Variants in ZCWPW2 observed in about 807,000 individuals in gnomAD.
ZCWPW2 encodes the protein zinc finger CW-type and PWWP domain containing 2, also known as zinc finger CW-type PWWP domain protein 2.
ZCWPW2 carries 45 observed loss-of-function variants against 46.6 expected under a neutral mutation model. The observed-to-expected ratio is 0.96, with a 90% CI of 0.76 to 1.24. The LOEUF is 1.24. Among genes scored for constraint, ZCWPW2 ranks in the 50% most tolerant of loss-of-function variants. The probability of loss-of-function intolerance (pLI) is 0.00; values close to 1 mark genes in which losing one functional copy is unlikely to be tolerated. For missense variants in ZCWPW2, 429 were observed against 403.9 expected (o/e 1.06, Z -0.53); for synonymous variants, 152 against 137.1 (o/e 1.11, Z -0.76).
intron 6 of ZCWPW2, among the ~76,000 whole-genome samples, chr3:28,510,485 A>C (rs1336905285): frequency 3.9e-5 from 6 of 152,000 alleles, no homozygotes; most frequent in African/African-American, 1.5e-4. Flanking sequence ...GTCAGTGTTT[A>C]TTTAGATTTA....
At chr3:28,375,553 GT>G (rs1705475648) in intron 1 of ZCWPW2, among the ~76,000 whole-genome samples, 1 of 151,998 alleles carries the variant, frequency 6.6e-6, no homozygotes, top group Non-Finnish European at 1.5e-5. Context: ...TAACTGAGAT[GT>G]TCTGATACAG....
intron 4 of ZCWPW2, among the ~76,000 whole-genome samples, chr3:28,437,745 T>A (rs1360117877): frequency 6.6e-6 from 1 of 152,190 alleles, no homozygotes; most frequent in African/African-American, 2.4e-5. Flanking sequence ...GTTTATATAT[T>A]TTAGTTTTTA....
chr3:28,420,226 G>A (rs1034962188), intron 3 of ZCWPW2, among the ~76,000 whole-genome samples: 9 of 151,860 alleles, frequency 5.9e-5, no homozygotes, highest in African/African-American at 1.7e-4. Flanking sequence ...TTTAATTGTG[G>A]CGTTAGGGTG....
At chr3:28,462,546 C>T (rs1033459064) in intron 4 of ZCWPW2, among the ~76,000 whole-genome samples, 1 of 152,144 alleles carries the variant, frequency 6.6e-6, no homozygotes, top group Admixed American at 6.6e-5. Flanking sequence ...TTCTTATTAT[C>T]CTGGTTGGAT....
intron 2 of ZCWPW2, among the ~76,000 whole-genome samples, chr3:28,399,184 C>A (rs1259491080): frequency 2.0e-5 from 3 of 152,114 alleles, no homozygotes; most frequent in African/African-American, 7.2e-5. Context: ...TCACTGACAA[C>A]CTGCATGACA....
chr3:28,383,481 A>T (rs1383631464), intron 1 of ZCWPW2, among the ~76,000 whole-genome samples: 1 of 152,056 alleles, frequency 6.6e-6, no homozygotes, highest in Non-Finnish European at 1.5e-5. Context: ...AGTTTTAGCT[A>T]TGGATTCAAT....
intron 3 of ZCWPW2, among the ~76,000 whole-genome samples, chr3:28,422,783 GTT>G (rs947565743): frequency 4.0e-5 from 6 of 150,110 alleles, no homozygotes; most frequent in African/African-American, 7.4e-5. Context: ...GTGTGTGTGT[GTT>G]TTTTTTTAAG....
chr3:28,423,585 C>T (rs929294595), intron 3 of ZCWPW2, among the ~76,000 whole-genome samples: 2 of 151,858 alleles, frequency 1.3e-5, no homozygotes, highest in African/African-American at 4.8e-5. Flanking sequence ...CCAGGATGGT[C>T]TCGATCTCCT....
At chr3:28,512,339 G>C (rs1483446801) in intron 6 of ZCWPW2, among the ~76,000 whole-genome samples, 1 of 151,876 alleles carries the variant, frequency 6.6e-6, no homozygotes, top group Non-Finnish European at 1.5e-5. Flanking sequence ...CACCATGCCT[G>C]GCTGATTTTT....
At chr3:28,417,143 C>T (rs74417512) in intron 3 of ZCWPW2, among the ~76,000 whole-genome samples, 3,077 of 150,640 alleles carry the variant, frequency 0.02, 106 homozygotes, top group African/African-American at 0.062. Context: ...GGGGATATCA[C>T]TGCTAGCAAG....
At position 28,353,060 on chromosome 3, in the gene ZCWPW2, G is replaced by C. The variant is rs1278044096; in HGVS notation, c.-134+3857G>C. Among the ~76,000 whole-genome samples the C allele has an allele frequency of 1.3e-5, 2 of 151,946 alleles. 1 individual carries two copies. The highest frequency in any genetic ancestry group is 3.9e-4 in the East Asian group (2 of 5,156). ...TATCCAGACATGGTGGCTCACTCCT[G>C]TAGTCCCAGCCACCTGGGGAGGCTC... On this transcript the variant is annotated intron_variant, in intron 1 of 9. Transcript: ENST00000383768.
intron 1 of ZCWPW2, among the ~76,000 whole-genome samples, chr3:28,373,210 A>G (rs1705395047): frequency 6.6e-6 from 1 of 152,126 alleles, no homozygotes; most frequent in African/African-American, 2.4e-5. Context: ...GGTAGTCTTT[A>G]GTTTTTTGGA....
chr3:28,505,487 C>T (rs1361789291), intron 6 of ZCWPW2, among the ~76,000 whole-genome samples: 1 of 152,044 alleles, frequency 6.6e-6, no homozygotes, highest in Non-Finnish European at 1.5e-5. Flanking sequence ...TTTAATCCTC[C>T]CCTCTTTTTC....
chr3:28,446,872 A>G (rs1171100133), intron 4 of ZCWPW2, among the ~76,000 whole-genome samples: 1 of 152,162 alleles, frequency 6.6e-6, no homozygotes, highest in Non-Finnish European at 1.5e-5. Flanking sequence ...TGACTATAAG[A>G]GCATACTGTG....
At chr3:28,436,260 G>T (rs1697486001) in intron 4 of ZCWPW2, among the ~76,000 whole-genome samples, 1 of 150,372 alleles carries the variant, frequency 6.7e-6, no homozygotes, top group Non-Finnish European at 1.5e-5. Context: ...ATTAAAACTT[G>T]ATAAAAAGTG....
chr3:28,403,510 A>G (rs879622467), intron 2 of ZCWPW2, among the ~76,000 whole-genome samples: 5 of 152,140 alleles, frequency 3.3e-5, no homozygotes, highest in Non-Finnish European at 5.9e-5. Flanking sequence ...CCATCAAAAT[A>G]CCATCATCAT....
chr3:28,384,483 G>A (rs1275974115), intron 1 of ZCWPW2, among the ~76,000 whole-genome samples: 1 of 151,976 alleles, frequency 6.6e-6, no homozygotes, highest in African/African-American at 2.4e-5. Flanking sequence ...TAATTCATGT[G>A]TCTGTATACT....
At chr3:28,523,083 A>C (rs1700766147) in intron 9 of ZCWPW2, among the ~76,000 whole-genome samples, 1 of 152,188 alleles carries the variant, frequency 6.6e-6, no homozygotes, top group South Asian at 2.1e-4. Flanking sequence ...CTTAAGGTAA[A>C]ATACATAGCT....
At chr3:28,485,966 CT>C (rs1367857588) in intron 5 of ZCWPW2, among the ~76,000 whole-genome samples, 1 of 150,308 alleles carries the variant, frequency 6.7e-6, no homozygotes, top group African/African-American at 2.4e-5. Flanking sequence ...TTTTTTAAAA[CT>C]TTTTAAAGTG....
Sources: allele counts gnomAD v4.1 joint callset (sites outside exome capture counted in the v4.1 genomes callset), GRCh38; gene constraint gnomAD v4.1.1; transcripts MANE v1.5; gene names NCBI Gene and HGNC (gene_info 2026-07-23, HGNC 2026-07-21).